IQCH: variants seen among roughly 807,000 people sequenced by gnomAD.
The protein encoded by IQCH is IQ motif containing H, also known as IQ domain-containing protein H.
In IQCH, 98 loss-of-function variants were observed where a neutral mutation model predicts 117.0. The observed-to-expected ratio is 0.84, with a 90% CI of 0.71 to 0.99. IQCH has a LOEUF of 0.99. Ranked by LOEUF, IQCH falls within the 50% of genes least tolerant of loss-of-function variation. The pLI, the probability that IQCH is intolerant of heterozygous loss-of-function variation, is 0.00. For synonymous variants in IQCH, 412 were observed against 448.2 expected, an observed-to-expected ratio of 0.92 and a Z score of 1.02; for missense variants, 1,102 against 1,243.8, an observed-to-expected ratio of 0.89 and a Z score of 1.72.
intron 4 of IQCH, among the ~76,000 whole-genome samples, chr15:67,328,973 T>A (rs979570619): frequency 6.6e-6 from 1 of 152,174 alleles, no homozygotes; most frequent in Non-Finnish European, 1.5e-5. Context: ...AGTGGTCACA[T>A]GATAACAATT....
At chr15:67,455,211 C>T (rs2082632290) in intron 16 of IQCH, among the ~76,000 whole-genome samples, 2 of 152,148 alleles carry the variant, frequency 1.3e-5, no homozygotes, top group African/African-American at 4.8e-5. Context: ...ATCAGGAGTG[C>T]TGTGCTGAGT....
At chr15:67,371,027 A>G (rs1414894524) in intron 8 of IQCH, among the ~76,000 whole-genome samples, 1 of 152,192 alleles carries the variant, frequency 6.6e-6, no homozygotes, top group Non-Finnish European at 1.5e-5. Flanking sequence ...ATAACCCCAC[A>G]GTTTGGTAAA....
chr15:67,367,418 A>T (rs1238088276), intron 8 of IQCH, among the ~76,000 whole-genome samples: 1 of 152,152 alleles, frequency 6.6e-6, no homozygotes, highest in Non-Finnish European at 1.5e-5. Flanking sequence ...ATGTGCCAGT[A>T]GTTCCACCTA....
intron 5 of IQCH, among the ~76,000 whole-genome samples, chr15:67,341,528 C>T (rs547541494): frequency 6.6e-6 from 1 of 152,216 alleles, no homozygotes; most frequent in South Asian, 2.1e-4. Context: ...TTTAAATTAA[C>T]CTGTGGGGGC....
intron 4 of IQCH, among the ~76,000 whole-genome samples, chr15:67,324,303 CAAA>C (rs56279630): frequency 1.6e-5 from 2 of 128,316 alleles, no homozygotes; most frequent in Non-Finnish European, 1.7e-5. Flanking sequence ...GTCTTTTGTC[CAAA>C]AAAAAAAAAA....
At position 67,474,273 on chromosome 15, in the gene IQCH, A is replaced by C. The variant is rs1444393373; in HGVS notation, c.2677-1423A>C. ...TTACGGCCAGCTCCAGACCAGCAGC[A>C]CCTCCTTTGCCTACTCCTTTTCCAG... On this transcript the variant is annotated intron_variant, in intron 17 of 20. Transcript: ENST00000335894. The surrounding 1 kb of genome is among the most constrained non-coding windows in gnomAD (Gnocchi z 4.1). 6.6e-6 allele frequency among the ~76,000 whole-genome samples: 1 copy of C among 151,574 alleles called. No individual in the cohort carries two copies.
At chr15:67,340,853 A>G (rs547703942) in intron 5 of IQCH, among the ~76,000 whole-genome samples, 2 of 152,350 alleles carry the variant, frequency 1.3e-5, no homozygotes, top group East Asian at 3.9e-4. Context: ...TGAATTACAG[A>G]TACAAAGACA....
intron 4 of IQCH, among the ~76,000 whole-genome samples, chr15:67,325,649 CTT>C (rs1968373293): frequency 6.6e-6 from 1 of 152,028 alleles, no homozygotes; most frequent in South Asian, 2.1e-4. Flanking sequence ...TCATGAGTCT[CTT>C]CAAAACAAGA....
At chr15:67,489,255 G>A (rs1160778004) in intron 18 of IQCH, among the ~76,000 whole-genome samples, 2 of 151,750 alleles carry the variant, frequency 1.3e-5, no homozygotes, top group African/African-American at 2.4e-5. Context: ...GGATGGTCTC[G>A]ATCTCCTGAC....
At chr15:67,266,594 T>C (rs1965682912) in intron 3 of IQCH, among the ~76,000 whole-genome samples, 1 of 152,136 alleles carries the variant, frequency 6.6e-6, no homozygotes, top group Non-Finnish European at 1.5e-5. Flanking sequence ...GAGGCAGAGC[T>C]TGCAGTGAGC....
In IQCH at chr15:67,372,502, G is replaced by A. The variant is rs1460080081; in HGVS notation, c.1145G>A (p.Cys382Tyr). ...ATGAAGATCCAAGCCACATGGAAAT[G>A]CTACAAAGCAAGAAAATTCTTCCTC... Reference protein sequence around the residue: ...AAMKIQATWKCYKARKFFLFY... With the variant: ...AAMKIQATWKYYKARKFFLFY... The change falls in exon 9 of 21, where the codon TGC becomes TAC. Residue 382 changes from cysteine (C) to tyrosine (Y), a missense_variant. Cys to Tyr is a radical substitution (Grantham distance 194, BLOSUM62 -2). Around this residue, in one of 2 missense-constraint regions of IQCH, gnomAD observed 452 missense variants for 449.6 expected, o/e 1.01. Transcript: ENST00000335894. 2 of 1,613,962 alleles carry A rather than the reference G, an allele frequency of 1.2e-6. No individual in the cohort carries two copies. The highest frequency in any genetic ancestry group is 2.2e-5 in the South Asian group (2 of 91,072).
intron 16 of IQCH, among the ~76,000 whole-genome samples, chr15:67,429,055 C>T (rs567789456): frequency 1.1e-4 from 16 of 152,260 alleles, no homozygotes; most frequent in Non-Finnish European, 1.9e-4. Flanking sequence ...GCCCTGCCCA[C>T]ATCTTAATTT....
chr15:67,268,209 G>T (rs558407668), intron 3 of IQCH, among the ~76,000 whole-genome samples: 2 of 152,164 alleles, frequency 1.3e-5, no homozygotes, highest in African/African-American at 4.8e-5. Flanking sequence ...TGGTCGTTTT[G>T]TCTGGTAGAG....
chr15:67,354,792 G>A (rs1295848793), intron 6 of IQCH, among the ~76,000 whole-genome samples: 1 of 152,196 alleles, frequency 6.6e-6, no homozygotes. Flanking sequence ...TGATCAGCAG[G>A]TTGTCATGGT....
At chr15:67,421,721 G>A in intron 16 of IQCH, 144 bp downstream of exon 16, 1 of 805,092 alleles carries the variant, frequency 1.2e-6, no homozygotes, top group South Asian at 1.8e-5. Flanking sequence ...ACACCTATAT[G>A]GCCCATGCGA....
At chr15:67,382,771 C>CCAGTGTT (rs1567143529) in intron 10 of IQCH, among the ~76,000 whole-genome samples, 1 of 152,112 alleles carries the variant, frequency 6.6e-6, no homozygotes, top group Non-Finnish European at 1.5e-5. Flanking sequence ...CAGAACTCCC[C>CCAGTGTT]CAGTGTTCCT....
intron 4 of IQCH, among the ~76,000 whole-genome samples, chr15:67,294,319 C>G (rs1966840876): frequency 6.6e-6 from 1 of 152,172 alleles, no homozygotes; most frequent in Non-Finnish European, 1.5e-5. Context: ...TGTTAGTTCT[C>G]TGCCCAATAT....
chr15:67,325,916 TATTA>T (rs1159392716), intron 4 of IQCH, among the ~76,000 whole-genome samples: 1 of 152,204 alleles, frequency 6.6e-6, no homozygotes, highest in African/African-American at 2.4e-5. Context: ...AAATATTTAA[TATTA>T]ATTAGAGATT....
chr15:67,307,805 G>T (rs1967377078), intron 4 of IQCH, among the ~76,000 whole-genome samples: 1 of 152,074 alleles, frequency 6.6e-6, no homozygotes. Context: ...ATCCTTTCAG[G>T]CTAGATATGG....
Sources: gnomAD v4.1 joint callset for allele counts (sites outside exome capture counted in the v4.1 genomes callset) on GRCh38, gnomAD v4.1.1 for gene constraint, gnomAD v4.1.1 regional missense constraint, Gnocchi (gnomAD v3.1) non-coding constraint, MANE v1.5 for transcripts, NCBI Gene and HGNC (gene_info 2026-07-23, HGNC 2026-07-21) for gene names.